MYO9A: variants seen among roughly 807,000 people sequenced by gnomAD.
MYO9A encodes the protein myosin IXA.
A neutral mutation model predicts 293.3 loss-of-function variants in MYO9A; 103 were observed. The observed-to-expected ratio is 0.35, with a 90% CI of 0.30 to 0.41. The LOEUF is 0.41. Among genes scored for constraint, MYO9A ranks in the 10% least tolerant of loss-of-function variants. The probability of loss-of-function intolerance (pLI) is 1.00; values close to 1 mark genes in which losing one functional copy is unlikely to be tolerated. For missense variants in MYO9A, 2,685 were observed against 3,033.0 expected, an observed-to-expected ratio of 0.89 and a Z score of 2.69; for synonymous variants, 1,001 against 1,035.7, an observed-to-expected ratio of 0.97 and a Z score of 0.64.
intron 32 of MYO9A, among the ~76,000 whole-genome samples, chr15:71,863,420 A>T (rs1303931498): frequency 6.6e-6 from 1 of 152,074 alleles, no homozygotes; most frequent in Non-Finnish European, 1.5e-5. Flanking sequence ...ATTATACATG[A>T]ACATAACATT....
intron 9 of MYO9A, among the ~76,000 whole-genome samples, chr15:71,997,749 G>A (rs780159546): frequency 6.6e-6 from 1 of 151,974 alleles, no homozygotes; most frequent in Non-Finnish European, 1.5e-5. Context: ...TTAGAGAAAC[G>A]CAAATCAAAA....
At chr15:72,060,091 C>A (rs8031658) in intron 1 of MYO9A, among the ~76,000 whole-genome samples, 145,299 of 152,258 alleles carry the variant, frequency 0.95, 69,707 homozygotes, top group East Asian at 1. Flanking sequence ...TTATTTTGAA[C>A]TGATTTTTTT....
chr15:71,882,619 A>G (rs1011672436), intron 28 of MYO9A, among the ~76,000 whole-genome samples: 2 of 152,170 alleles, frequency 1.3e-5, no homozygotes, highest in East Asian at 1.9e-4. Context: ...CAACATAGTG[A>G]AACCTTGTCT....
rs759225202 is a variant in MYO9A at position 71,897,702 on chromosome 15, C to T, written c.4801G>A (p.Val1601Ile). 1.9e-6 allele frequency: 3 copies of T among 1,614,146 alleles called. No individual in the cohort carries two copies. The highest frequency in any genetic ancestry group is 1.7e-5 in the Admixed American group (1 of 60,010). Residue 1601 changes from valine (V) to isoleucine (I), a missense_variant, in exon 25 of 42, where the codon GTC (valine) becomes ATC (isoleucine). Transcript: ENST00000356056. The part of the protein sequence containing the change: ...SAHLPPKDRP[V>I]TVFFERKGSP... ...CCTTTTCTTTCAAAGAACACGGTGA[C>T]AGGTCGGTCCTTTGGGGGTAAGTGA...
chr15:72,010,308 T>C, intron 7 of MYO9A, 42 bp downstream of exon 7: 1 of 1,513,878 alleles, frequency 6.6e-7, no homozygotes, highest in Non-Finnish European at 9.2e-7. Flanking sequence ...ACATATCATG[T>C]GTTCTCTATT....
intron 16 of MYO9A, among the ~76,000 whole-genome samples, chr15:71,937,005 G>T (rs1342044370): frequency 6.6e-6 from 1 of 151,076 alleles, no homozygotes; most frequent in Non-Finnish European, 1.5e-5. Flanking sequence ...AGCAAGTGAG[G>T]GAAGAAGGAA....
At chr15:72,117,650 A>G in intron 1 of MYO9A, 30 bp downstream of exon 1, 1 of 395,388 alleles carries the variant, frequency 2.5e-6, no homozygotes, top group Non-Finnish European at 4.5e-6. Flanking sequence ...GACGGGCTGC[A>G]GGGCCGCTGG....
At chr15:71,860,969 C>CAA (rs61030744) in intron 33 of MYO9A, among the ~76,000 whole-genome samples, 1,480 of 32,226 alleles carry the variant, frequency 0.046, 58 homozygotes, top group African/African-American at 0.087. Flanking sequence ...TCCATCTCAC[C>CAA]AAAAAAAAAA....
At chr15:71,892,283 T>C (rs574472668) in intron 26 of MYO9A, 2 of 152,374 alleles carry the variant, frequency 1.3e-5, no homozygotes, top group East Asian at 3.9e-4. Flanking sequence ...ACATTACATA[T>C]AGCCTTCTAT....
At chr15:72,049,194 A>T (rs1330405254) in intron 1 of MYO9A, among the ~76,000 whole-genome samples, 1 of 152,206 alleles carries the variant, frequency 6.6e-6, no homozygotes, top group African/African-American at 2.4e-5. Context: ...CTTTTTTAAG[A>T]GAACTACAGT....
At chr15:72,115,499 T>C (rs1486868062) in intron 1 of MYO9A, among the ~76,000 whole-genome samples, 4 of 152,124 alleles carry the variant, frequency 2.6e-5, no homozygotes, top group Non-Finnish European at 5.9e-5. Context: ...GTATGCAACT[T>C]CTCCCCAACC....
chr15:71,897,201 T>A, intron 25 of MYO9A: 1 of 446,276 alleles, frequency 2.2e-6, no homozygotes, highest in East Asian at 3.6e-5. Context: ...GGCACTGTAC[T>A]GCCCTTCACA....
chr15:72,117,607 G>A (rs2081044198), intron 1 of MYO9A, 73 bp downstream of exon 1: 2 of 391,040 alleles, frequency 5.1e-6, no homozygotes, highest in South Asian at 1.4e-4. Context: ...CGGCCCGACC[G>A]GAGCCAAATA....
intron 1 of MYO9A, among the ~76,000 whole-genome samples, chr15:72,082,352 G>A (rs1487021315): frequency 6.6e-6 from 1 of 152,158 alleles, no homozygotes; most frequent in African/African-American, 2.4e-5. Context: ...GTATTGGAAT[G>A]CTAGTGATTT....
intron 39 of MYO9A, among the ~76,000 whole-genome samples, chr15:71,834,647 C>T (rs1193490371): frequency 6.6e-6 from 1 of 151,662 alleles, no homozygotes; most frequent in Non-Finnish European, 1.5e-5. Context: ...TGTGGTGGCA[C>T]GTGCCTGTAG....
chr15:72,106,543 GT>G (rs1463283755), intron 1 of MYO9A, among the ~76,000 whole-genome samples: 1 of 151,980 alleles, frequency 6.6e-6, no homozygotes, highest in African/African-American at 2.4e-5. Flanking sequence ...TTTTTATATG[GT>G]TTCTCTTTCT....
intron 31 of MYO9A, among the ~76,000 whole-genome samples, chr15:71,877,561 G>A (rs189032384): frequency 6.6e-6 from 1 of 152,212 alleles, no homozygotes; most frequent in Non-Finnish European, 1.5e-5. Flanking sequence ...GGGTTCAAGT[G>A]ATTCTCCTGC....
At position 71,858,854 on chromosome 15, in the gene MYO9A, TAAA is replaced by T. The variant is rs77677016; in HGVS notation, c.6153+878_6153+880del. Among the ~76,000 whole-genome samples the T allele has an allele frequency of 1.1e-4, 14 of 125,418 alleles. No individual in the cohort carries two copies. The Admixed American group carries it at 1.1e-3, about 10-fold the overall frequency. 82.3% of individuals were successfully genotyped at this position (125,418 alleles called of 152,430 possible). A position where few individuals can be genotyped will look rare whatever the true frequency, so the allele number is the denominator to read the frequency against. ...ATGTACTCTAGAACTTAAAGTATAA[TAAA>T]AAAAAAAAAAAGGAAAATTCCCACT... On this transcript the variant is annotated intron_variant, in intron 34 of 41. Transcript: ENST00000356056.
chr15:71,884,957 TCC>T (rs1405416081), intron 27 of MYO9A, among the ~76,000 whole-genome samples: 1 of 141,832 alleles, frequency 7.1e-6, no homozygotes, highest in African/African-American at 2.9e-5. Flanking sequence ...CTTTCTTTCT[TCC>T]TTTTTTTTTT....
Sources: allele counts gnomAD v4.1 joint callset (sites outside exome capture counted in the v4.1 genomes callset), GRCh38; gene constraint gnomAD v4.1.1; transcripts MANE v1.5; gene names NCBI Gene and HGNC (gene_info 2026-07-23, HGNC 2026-07-21).